The following CASK variants were observed in gnomAD, a reference collection of about 807,000 sequenced individuals.
The protein encoded by CASK is calcium/calmodulin dependent serine protein kinase.
Under a neutral mutation model 82.9 loss-of-function variants are expected in CASK, and 4 were observed. The observed-to-expected ratio is 0.05, with a 90% CI of 0.02 to 0.11. The LOEUF (loss-of-function observed/expected upper bound fraction) is 0.11. Among genes scored for constraint, CASK ranks in the 10% least tolerant of loss-of-function variants. CASK has a pLI of 1.00. For missense variants in CASK, 358 were observed against 720.9 expected, an observed-to-expected ratio of 0.50 and a Z score of 5.76; for synonymous variants, 259 against 253.5, an observed-to-expected ratio of 1.02 and a Z score of -0.20.
intron 1 of CASK, among the ~76,000 whole-genome samples, chrX:41,864,248 G>A (rs1016049647): frequency 3.6e-5 from 4 of 111,555 alleles, no homozygotes; most frequent in Non-Finnish European, 7.5e-5. Flanking sequence ...GTTGCATCAG[G>A]ATTATACAAA....
chrX:41,532,846 G>T (rs1306997025), intron 24 of CASK, among the ~76,000 whole-genome samples: 1 of 111,571 alleles, frequency 9.0e-6, no homozygotes, highest in Non-Finnish European at 1.9e-5. Flanking sequence ...GTCTCACTCT[G>T]TTGCCCAGGC....
intron 18 of CASK, among the ~76,000 whole-genome samples, chrX:41,557,886 C>A (rs1398055494): frequency 1.8e-5 from 2 of 111,758 alleles, no homozygotes; most frequent in Non-Finnish European, 3.8e-5. Context: ...GAAATAAGTA[C>A]TTTTTAATTT....
At chrX:41,913,689 C>G (rs182640856) in intron 1 of CASK, among the ~76,000 whole-genome samples, 2 of 112,659 alleles carry the variant, frequency 1.8e-5, no homozygotes, top group African/African-American at 6.4e-5. Flanking sequence ...ATTGTTGAAA[C>G]TTACGTACAT....
intron 1 of CASK, among the ~76,000 whole-genome samples, chrX:41,906,430 A>G: frequency 8.9e-6 from 1 of 112,256 alleles, no homozygotes; most frequent in Middle Eastern, 4.7e-3. Flanking sequence ...CTTAAATAAT[A>G]CTCTCTGCCT....
rs869093187 is a variant in CASK, at chrX:41,682,529, GA to G, written c.430-11000del. 7.1e-3 allele frequency among the ~76,000 whole-genome samples: 165 copies of G among 23,166 alleles called. 1 individual carries two copies. The highest frequency in any genetic ancestry group is 0.033 in the African/African-American group (144 of 4,419). The allele number at this position is 23,166 out of a possible 115,157, so 20.1% of individuals were successfully genotyped here. On this transcript the variant is annotated intron_variant, in intron 5 of 26. Transcript: ENST00000378163. ...GGGTGACAGAATGAGACTGTCTCAG[GA>G]AAAAAAAAAAAAAAAAAAAAAAAAA...
intron 3 of CASK, among the ~76,000 whole-genome samples, chrX:41,784,733 G>A (rs1402206337): frequency 1.8e-5 from 2 of 109,821 alleles, no homozygotes; most frequent in Non-Finnish European, 3.8e-5. Flanking sequence ...AAAATTAGCC[G>A]GGCATGGTGG....
At chrX:41,897,015 T>C in intron 1 of CASK, among the ~76,000 whole-genome samples, 1 of 112,047 alleles carries the variant, frequency 8.9e-6, no homozygotes, top group East Asian at 2.8e-4. Flanking sequence ...ACAGGTTTTT[T>C]TGGTGGAGTT....
At chrX:41,594,830 C>T (rs1326894627) in intron 12 of CASK, among the ~76,000 whole-genome samples, 1 of 111,692 alleles carries the variant, frequency 9.0e-6, no homozygotes, top group Non-Finnish European at 1.9e-5. Flanking sequence ...ATGCAGAAAC[C>T]ACACGTCTGC....
chrX:41,799,222 T>G (rs1395221939), intron 2 of CASK, among the ~76,000 whole-genome samples: 1 of 112,222 alleles, frequency 8.9e-6, no homozygotes, highest in Non-Finnish European at 1.9e-5. Flanking sequence ...TAAAACTAGT[T>G]TTCTATTAAG....
intron 1 of CASK, among the ~76,000 whole-genome samples, chrX:41,892,643 C>T (rs2072195711): frequency 9.0e-6 from 1 of 111,669 alleles, no homozygotes. Context: ...CCAAAAGGTT[C>T]TATTTTGATA....
intron 26 of CASK, among the ~76,000 whole-genome samples, 190 bp from the exon 27 acceptor site, chrX:41,520,786 T>C (rs1602203182): frequency 2.7e-5 from 3 of 111,943 alleles, no homozygotes; most frequent in Admixed American, 9.4e-5. Flanking sequence ...GAGGAGACAG[T>C]GATTGCTCAA....
At chrX:41,894,484 T>G (rs984026236) in intron 1 of CASK, among the ~76,000 whole-genome samples, 1 of 109,430 alleles carries the variant, frequency 9.1e-6, no homozygotes, top group Admixed American at 9.8e-5. Flanking sequence ...AACAGTGACT[T>G]AAGGCCCAGC....
intron 3 of CASK, among the ~76,000 whole-genome samples, chrX:41,778,070 G>C (rs1012652830): frequency 1.8e-5 from 2 of 111,579 alleles, no homozygotes; most frequent in African/African-American, 6.5e-5. Flanking sequence ...TAATGGTATA[G>C]CAAAATGCTT....
chrX:41,891,526 A>G (rs1173714377), intron 1 of CASK, among the ~76,000 whole-genome samples: 1 of 111,947 alleles, frequency 8.9e-6, no homozygotes, highest in Non-Finnish European at 1.9e-5. Context: ...ACACAATATC[A>G]AAGGATTAGC....
intron 3 of CASK, among the ~76,000 whole-genome samples, chrX:41,751,303 G>C (rs1456673366): frequency 9.0e-6 from 1 of 110,936 alleles, no homozygotes; most frequent in African/African-American, 3.3e-5. Flanking sequence ...TGCCCAGGCT[G>C]GTCTGGAATT....
chrX:41,523,014 C>A (rs1241375843), intron 26 of CASK: 2 of 112,231 alleles, frequency 1.8e-5, no homozygotes, highest in Non-Finnish European at 3.8e-5. Context: ...ATTTTCTGCA[C>A]CATTTTGGCA....
rs1222117819 is a variant in CASK, at chrX:41,648,621, T to C, written c.831+11818A>G. Among the ~76,000 whole-genome samples the C allele has an allele frequency of 2.7e-5, 3 of 111,692 alleles. No homozygotes were observed. The Admixed American group carries it at 2.9e-4, about 11-fold the overall frequency. On this transcript the variant is annotated intron_variant, in intron 8 of 26. Coordinates refer to ENST00000378163, the MANE Select transcript of CASK (RefSeq NM_001367721.1). ...TTCTCTCTTTTGTACTCTGTCCCTTTATTTATCATGCCGGCCGACGCTTAA... is the reference window on the plus strand; with the variant it reads ...TTCTCTCTTTTGTACTCTGTCCCTTCATTTATCATGCCGGCCGACGCTTAA...
At chrX:41,781,792 AAGG>A (rs1363313912) in intron 3 of CASK, among the ~76,000 whole-genome samples, 1 of 112,295 alleles carries the variant, frequency 8.9e-6, no homozygotes, top group African/African-American at 3.2e-5. Flanking sequence ...CCCAGGAGAT[AAGG>A]AGGATGCAAA....
chrX:41,634,904 T>C (rs901537101), intron 9 of CASK, among the ~76,000 whole-genome samples: 2 of 112,496 alleles, frequency 1.8e-5, no homozygotes, highest in Non-Finnish European at 3.7e-5. Context: ...TTAATAATTA[T>C]TTTGGCCAAG....
Sources: gnomAD v4.1 joint callset for allele counts (sites outside exome capture counted in the v4.1 genomes callset) on GRCh38, gnomAD v4.1.1 for gene constraint, MANE v1.5 for transcripts, NCBI Gene and HGNC (gene_info 2026-07-23, HGNC 2026-07-21) for gene names.